RGSL1: variants seen among roughly 807,000 people sequenced by gnomAD.
RGSL1 encodes regulator of G protein signaling like 1.
In RGSL1, 97 loss-of-function variants were observed where a neutral mutation model predicts 124.7. The observed-to-expected ratio is 0.78, with a 90% CI of 0.66 to 0.92. The LOEUF is 0.92. RGSL1 is among the 40% of genes least tolerant of loss of function. The pLI is 0.00. For synonymous variants in RGSL1, 424 were observed against 438.1 expected (o/e 0.97, Z 0.40); for missense variants, 1,233 against 1,288.4 (o/e 0.96, Z 0.66).
intron 4 of RGSL1, among the ~76,000 whole-genome samples, chr1:182,467,977 CAAAA>C (rs1403523083): frequency 3.3e-5 from 5 of 152,188 alleles, no homozygotes; most frequent in Non-Finnish European, 7.3e-5. Context: ...AGACACTTCT[CAAAA>C]GAAGACATTT....
intron 2 of RGSL1, among the ~76,000 whole-genome samples, chr1:182,457,649 A>T (rs1408027906): frequency 6.6e-6 from 1 of 152,202 alleles, no homozygotes; most frequent in Non-Finnish European, 1.5e-5. Context: ...CAGCCCGTCT[A>T]GTTTTCTGCA....
At chr1:182,511,171 CTTT>C (rs1434203190) in intron 9 of RGSL1, among the ~76,000 whole-genome samples, 5 of 151,992 alleles carry the variant, frequency 3.3e-5, no homozygotes, top group African/African-American at 1.2e-4. Context: ...AGCTTGCTTT[CTTT>C]ATTTTTTTGA....
intron 13 of RGSL1, 57 bp from the exon 14 acceptor site, chr1:182,532,603 ACT>A (rs1443371266): frequency 2.0e-6 from 3 of 1,516,808 alleles, no homozygotes; most frequent in Non-Finnish European, 2.7e-6. Context: ...CACACAGTAG[ACT>A]CTCGGTGAAC....
chr1:182,451,290 CTGA>C (rs1415446479), intron 1 of RGSL1, among the ~76,000 whole-genome samples: 4 of 125,388 alleles, frequency 3.2e-5, no homozygotes, highest in African/African-American at 1.0e-4. Context: ...CACGCTCAGT[CTGA>C]TGAGGAAGAC....
chr1:182,491,501 CACCACACCCG>C (rs1655523510), intron 8 of RGSL1, among the ~76,000 whole-genome samples: 1 of 152,132 alleles, frequency 6.6e-6, no homozygotes, highest in East Asian at 1.9e-4. Flanking sequence ...AGGTGTGAGC[CACCACACCCG>C]ACCACTATCA....
chr1:182,481,126 G>A (rs1250858802), intron 6 of RGSL1, among the ~76,000 whole-genome samples: 2 of 151,910 alleles, frequency 1.3e-5, no homozygotes, highest in African/African-American at 4.8e-5. Flanking sequence ...ATGAAATGGA[G>A]AATAGAAAAT....
chr1:182,480,061 C>T (rs899695612), intron 6 of RGSL1, among the ~76,000 whole-genome samples: 9 of 152,168 alleles, frequency 5.9e-5, no homozygotes, highest in African/African-American at 2.2e-4. Context: ...TTCAATACCC[C>T]ACTCTTCATA....
intron 14 of RGSL1, among the ~76,000 whole-genome samples, chr1:182,539,761 T>G (rs1659768623): frequency 1.3e-5 from 2 of 152,222 alleles, no homozygotes; most frequent in African/African-American, 4.8e-5. Flanking sequence ...GTGCTCTCCT[T>G]TACTCGTTAG....
At position 182,451,776 on chromosome 1, in the gene RGSL1, G is replaced by A. The variant is rs80150358; in HGVS notation, c.13+1598G>A. On this transcript the variant is annotated intron_variant, in intron 1 of 21. Coordinates refer to ENST00000294854, the MANE Select transcript of RGSL1 (RefSeq NM_001137669.2). ...AGATTATGGTGGCAGTACGTGTAGG[G>A]TGGTTGGAAGGGCAAGAGGTGGGAG... Among the ~76,000 whole-genome samples the A allele has an allele frequency of 4.8e-4, 71 of 148,846 alleles. No individual in the cohort carries two copies. In the East Asian group the frequency reaches 0.012, roughly 25 times the overall value.
intron 9 of RGSL1, among the ~76,000 whole-genome samples, chr1:182,497,800 TA>T (rs1359675891): frequency 6.6e-6 from 1 of 152,232 alleles, no homozygotes; most frequent in Non-Finnish European, 1.5e-5. Flanking sequence ...AGGTTCAGGT[TA>T]TGCATTCAGG....
chr1:182,523,572 C>G (rs1479923695), intron 10 of RGSL1, among the ~76,000 whole-genome samples: 2 of 152,170 alleles, frequency 1.3e-5, no homozygotes, highest in African/African-American at 4.8e-5. Flanking sequence ...AATCACATAT[C>G]TGTAAGATCA....
chr1:182,512,846 G>A (rs902891282), intron 9 of RGSL1, among the ~76,000 whole-genome samples: 2 of 152,182 alleles, frequency 1.3e-5, no homozygotes, highest in Admixed American at 6.5e-5. Context: ...CTACCCCATG[G>A]CTGATCTTCT....
At chr1:182,455,557 A>G (rs1027718995) in intron 2 of RGSL1, among the ~76,000 whole-genome samples, 2 of 151,834 alleles carry the variant, frequency 1.3e-5, no homozygotes, top group Admixed American at 1.3e-4. Context: ...ACTCCAGCCT[A>G]AGTGACAGAG....
intron 15 of RGSL1, among the ~76,000 whole-genome samples, chr1:182,544,790 CTGATA>C (rs1461729641): frequency 6.6e-6 from 1 of 152,002 alleles, no homozygotes; most frequent in African/African-American, 2.4e-5. Context: ...CCTATTTTAT[CTGATA>C]TAACTATAGC....
At chr1:182,470,126 T>A (rs777621353) in intron 4 of RGSL1, among the ~76,000 whole-genome samples, 16 of 152,300 alleles carry the variant, frequency 1.1e-4, no homozygotes, top group Admixed American at 4.6e-4. Context: ...TTAACACCAC[T>A]AAACCGTACA....
intron 9 of RGSL1, among the ~76,000 whole-genome samples, chr1:182,499,617 T>C (rs1656202451): frequency 1.3e-5 from 2 of 152,348 alleles, no homozygotes; most frequent in African/African-American, 4.8e-5. Flanking sequence ...TGGGTCTTGC[T>C]TTTTTATCCA....
chr1:182,484,387 C>T (rs1257292625), intron 6 of RGSL1, among the ~76,000 whole-genome samples: 5 of 152,082 alleles, frequency 3.3e-5, no homozygotes, highest in African/African-American at 1.2e-4. Flanking sequence ...GTGTATGTGA[C>T]CGCTCTTCTG....
rs1303249776 is a variant in RGSL1, at chr1:182,560,555, GC to G, written c.*443del. The G allele has an allele frequency of 1.3e-5, 2 of 152,236 alleles. No individual in the cohort carries two copies. 9.4% of individuals were successfully genotyped at this position (152,236 alleles called of 1,614,324 possible). On this transcript the variant is annotated 3_prime_UTR_variant, in exon 22 of 22. Transcript: ENST00000294854. ...CAGCCCTCACCCATACACCTCCAGG[GC>G]TGCAGGTCATTAGCCAGAATAAAGG...
At chr1:182,484,241 G>A (rs1446078210) in intron 6 of RGSL1, among the ~76,000 whole-genome samples, 2 of 152,038 alleles carry the variant, frequency 1.3e-5, no homozygotes, top group Admixed American at 1.3e-4. Flanking sequence ...CCTGGGACCT[G>A]GGGTACTATG....
Sources: gnomAD v4.1 joint callset for allele counts (sites outside exome capture counted in the v4.1 genomes callset) on GRCh38, gnomAD v4.1.1 for gene constraint, MANE v1.5 for transcripts, NCBI Gene and HGNC (gene_info 2026-07-23, HGNC 2026-07-21) for gene names.